Variants in SCN9A observed in about 807,000 individuals in gnomAD.
SCN9A encodes sodium channel protein type 9 subunit alpha.
In SCN9A, 131 loss-of-function variants were observed where a neutral mutation model predicts 187.0. The observed-to-expected ratio is 0.70, with a 90% CI of 0.61 to 0.81. The LOEUF (loss-of-function observed/expected upper bound fraction) is 0.81, where lower values mean the gene tolerates loss of function less well. SCN9A is among the 30% of genes least tolerant of loss of function. The pLI is 0.00. For missense variants in SCN9A, 2,252 were observed against 2,396.6 expected, an observed-to-expected ratio of 0.94 and a Z score of 1.26; for synonymous variants, 809 against 808.6, an observed-to-expected ratio of 1.00 and a Z score of -0.01.
Position 166,292,654 on chromosome 2 carries a change from C to A in SCN9A, c.1107+577G>T, listed in dbSNP as rs75573092. ...CTATACAAGTAAATGGAGACCACAG[C>A]CCCAAGAGGTTCACATTCAAGTTAG... is the stretch of plus-strand genomic sequence containing the variant. On this transcript the variant is annotated intron_variant, in intron 9 of 26. Coordinates refer to ENST00000642356, the MANE Select transcript of SCN9A (RefSeq NM_001365536.1). 3.3e-3 allele frequency among the ~76,000 whole-genome samples: 508 copies of A among 152,174 alleles called. 16 individuals carry two copies. In the East Asian group the frequency reaches 0.085, roughly 25 times the overall value.
At chr2:166,290,267 A>C (rs769444650) in intron 9 of SCN9A, among the ~76,000 whole-genome samples, 3 of 152,128 alleles carry the variant, frequency 2.0e-5, no homozygotes, top group Admixed American at 1.3e-4. Context: ...TAATGGCTGC[A>C]TAGTATTCCA....
chr2:166,240,375 A>G (rs552426607), intron 19 of SCN9A, among the ~76,000 whole-genome samples: 3 of 152,220 alleles, frequency 2.0e-5, no homozygotes, highest in Admixed American at 2.0e-4. Flanking sequence ...TTAATTGGCA[A>G]CCTGTCTAAG....
intron 24 of SCN9A, among the ~76,000 whole-genome samples, chr2:166,219,078 G>A (rs1454015326): frequency 6.6e-5 from 10 of 152,140 alleles, no homozygotes; most frequent in Admixed American, 6.5e-5. Flanking sequence ...AGATGCTGGC[G>A]AGGGTGTGGA....
chr2:166,319,138 T>G (rs1056758162), intron 1 of SCN9A, among the ~76,000 whole-genome samples: 2 of 152,082 alleles, frequency 1.3e-5, no homozygotes, highest in African/African-American at 4.8e-5. Flanking sequence ...GAAAATTAGA[T>G]TGCCATTAAA....
intron 19 of SCN9A, among the ~76,000 whole-genome samples, chr2:166,240,743 GTT>G (rs1482924651): frequency 6.6e-6 from 1 of 152,198 alleles, no homozygotes; most frequent in Non-Finnish European, 1.5e-5. Flanking sequence ...CCTGCAGGTT[GTT>G]GGGGAGTGTG....
chr2:166,296,201 T>C (rs894018033), intron 7 of SCN9A: 12 of 152,192 alleles, frequency 7.9e-5, no homozygotes, highest in African/African-American at 2.9e-4. Context: ...AATACCTACT[T>C]TATAAAGTTG....
At chr2:166,269,398 G>A (rs557334322) in intron 17 of SCN9A, among the ~76,000 whole-genome samples, 5 of 152,024 alleles carry the variant, frequency 3.3e-5, no homozygotes, top group Non-Finnish European at 7.4e-5. Context: ...TTATACCCCA[G>A]GGGAGACAAA....
intron 17 of SCN9A, among the ~76,000 whole-genome samples, chr2:166,265,000 T>G (rs923043860): frequency 6.6e-6 from 1 of 151,940 alleles, no homozygotes; most frequent in Admixed American, 6.6e-5. Context: ...ATGTATACAT[T>G]ATATAATTAT....
intron 1 of SCN9A, among the ~76,000 whole-genome samples, chr2:166,325,613 T>C (rs1414497482): frequency 6.6e-6 from 1 of 152,164 alleles, no homozygotes; most frequent in African/African-American, 2.4e-5. Context: ...CCCTCAACCA[T>C]GGTAAGCATA....
Position 166,286,543 on chromosome 2 carries a change from T to C in SCN9A, c.1395A>G (p.Thr465=). The C allele has an allele frequency of 1.9e-6, 3 of 1,610,558 alleles. No homozygotes were observed. Among genetic ancestry groups the C allele is most frequent in the East Asian group, 4.5e-5 (2 of 44,818 alleles). ...IMGLSESSSE[T]SKLSSKSAKE... The stretch of plus-strand genomic sequence containing the variant: ...TAGCACTTTTAGAGCTCAGTTTGGA[T>C]GTTTCAGAAGAACTCTCTGAGAGGC... Residue 465 remains threonine (T), a synonymous_variant, in exon 11 of 27, where the codon ACA becomes ACG. Transcript: ENST00000642356.
intron 1 of SCN9A, among the ~76,000 whole-genome samples, chr2:166,335,436 G>C (rs760471093): frequency 1.3e-5 from 2 of 152,110 alleles, no homozygotes; most frequent in Non-Finnish European, 2.9e-5. Context: ...TATAAGGTTT[G>C]GGGAAATGTG....
intron 1 of SCN9A, among the ~76,000 whole-genome samples, chr2:166,364,265 C>G (rs1700361250): frequency 6.6e-6 from 1 of 151,926 alleles, no homozygotes; most frequent in Non-Finnish European, 1.5e-5. Context: ...GTGGAAAACA[C>G]TGTGGTGGTT....
intron 1 of SCN9A, among the ~76,000 whole-genome samples, chr2:166,315,995 G>A (rs927542747): frequency 3.3e-4 from 51 of 152,288 alleles, no homozygotes; most frequent in African/African-American, 1.2e-3. Flanking sequence ...TTTAATGTGA[G>A]AGTAGAGAGG....
In SCN9A at chr2:166,228,825, G is replaced by T. The variant is rs1463389142; in HGVS notation, c.4072C>A (p.Arg1358=). The T allele has an allele frequency of 6.2e-7, 1 of 1,613,898 alleles. No homozygotes were observed. Among genetic ancestry groups the T allele is most frequent in the Non-Finnish European group, 8.5e-7 (1 of 1,179,840 alleles). ...TTTGGAACTTGACTTGCAGGAAACC[G>T]TGACCCATCTGTGGTGTTAATACAC... ...YECINTTDGS[R]FPASQVPNRS... is the part of the protein sequence containing the mutation. The change falls in exon 22 of 27, where the codon CGG becomes AGG. Residue 1358 remains arginine, a synonymous_variant. Coordinates refer to ENST00000642356, the MANE Select transcript of SCN9A (RefSeq NM_001365536.1).
chr2:166,221,981 C>T (rs941019256), intron 24 of SCN9A, among the ~76,000 whole-genome samples: 4 of 152,062 alleles, frequency 2.6e-5, no homozygotes, highest in Non-Finnish European at 5.9e-5. Flanking sequence ...ATAGATTAAA[C>T]ATTTAAACCT....
intron 8 of SCN9A, among the ~76,000 whole-genome samples, chr2:166,293,905 G>T (rs1698187822): frequency 6.6e-6 from 1 of 152,104 alleles, no homozygotes; most frequent in Admixed American, 6.6e-5. Flanking sequence ...TTGGTGGACT[G>T]GTTTTTCCTG....
At chr2:166,219,367 C>T (rs771264689) in intron 24 of SCN9A, among the ~76,000 whole-genome samples, 1 of 151,972 alleles carries the variant, frequency 6.6e-6, no homozygotes, top group African/African-American at 2.4e-5. Context: ...TAAATATATA[C>T]CATATAATAC....
chr2:166,224,758 T>C (rs147639484), intron 24 of SCN9A, among the ~76,000 whole-genome samples: 393 of 152,250 alleles, frequency 2.6e-3, no homozygotes, highest in African/African-American at 9.0e-3. Flanking sequence ...CCCTAGTCAT[T>C]TTGTGCATCA....
At chr2:166,307,916 G>A (rs1349866077) in intron 2 of SCN9A, among the ~76,000 whole-genome samples, 1 of 152,214 alleles carries the variant, frequency 6.6e-6, no homozygotes, top group Admixed American at 6.5e-5. Context: ...GATGACTTGT[G>A]TTAGCTGAAA....
Sources: allele counts gnomAD v4.1 joint callset (sites outside exome capture counted in the v4.1 genomes callset), GRCh38; gene constraint gnomAD v4.1.1; transcripts MANE v1.5; gene names NCBI Gene and HGNC (gene_info 2026-07-23, HGNC 2026-07-21).